Variants in IGSF22 observed in about 807,000 individuals in gnomAD.
IGSF22 encodes the protein immunoglobulin superfamily member 22, also known as immunoglobulin superfamily, member 22.
IGSF22 carries 119 observed loss-of-function variants against 127.0 expected under a neutral mutation model. The ratio of observed to expected loss-of-function variants is 0.94; its 90% CI spans 0.81 to 1.09. IGSF22 has a LOEUF of 1.09. Among genes scored for constraint, IGSF22 ranks in the 50% least tolerant of loss-of-function variants. The pLI is 0.00. For synonymous variants in IGSF22, 568 were observed against 664.7 expected (o/e 0.85, Z 2.24); for missense variants, 1,518 against 1,716.6 (o/e 0.88, Z 2.04).
chr11:18,723,578 A>T (rs568295041), intron 2 of IGSF22, among the ~76,000 whole-genome samples: 1 of 152,304 alleles, frequency 6.6e-6, no homozygotes, highest in South Asian at 2.1e-4. Context: ...CGTGACTAAA[A>T]CACTCTGTTC....
chr11:18,721,234 C>T (rs976315493), intron 4 of IGSF22, among the ~76,000 whole-genome samples: 6 of 152,246 alleles, frequency 3.9e-5, no homozygotes, highest in African/African-American at 1.4e-4. Flanking sequence ...TTTTGGCTCA[C>T]TCGCCTTGTG....
In IGSF22 at chr11:18,716,679, G is replaced by A; in HGVS notation, c.1246+49C>T. 1 of 1,575,990 alleles carries A rather than the reference G, an allele frequency of 6.3e-7. No homozygotes were observed. Among genetic ancestry groups the A allele is most frequent in the Non-Finnish European group, 8.7e-7 (1 of 1,149,184 alleles). On this transcript the variant is annotated intron_variant, in intron 10 of 22. Transcript: ENST00000513874. The surrounding 1 kb of genome is among the most constrained non-coding windows in gnomAD (Gnocchi z 4.5). ...ATAAATGATGACTACCTGCATGGAG[G>A]TTGCTGTGCCATAAAGCCCACCCCT...
chr11:18,710,757 CAT>C lies in IGSF22; in HGVS notation c.2468_2469del (p.Asn823SerfsTer50). 30 of 1,614,190 alleles carry C rather than the reference CAT, an allele frequency of 1.9e-5. No individual in the cohort carries two copies. Among genetic ancestry groups the C allele is most frequent in the Non-Finnish European group, 2.4e-5 (28 of 1,179,998 alleles). The stretch of plus-strand genomic sequence containing the variant: ...GGGGCTCCCCCATCCTGGGTAGGGG[CAT>C]TCCACGTGATGGTCACGGCTTCTTT... Reference protein sequence around the residue: ...VTKEAVTITWNAPTQDGGAPV... With the variant: ...VTKEAVTITWXAPTQDGGAPV... On this transcript the variant is annotated frameshift_variant, in exon 16 of 23. Transcript: ENST00000513874. LOFTEE classifies it high-confidence loss of function.
At position 18,716,895 on chromosome 11, in the gene IGSF22, C is replaced by T. The variant is rs1177560113; in HGVS notation, c.1079G>A (p.Trp360Ter). 12 of 1,614,234 alleles carry T rather than the reference C, an allele frequency of 7.4e-6. No individual in the cohort carries two copies. Among genetic ancestry groups the T allele is most frequent in the Non-Finnish European group, 1.0e-5 (12 of 1,180,038 alleles). The change falls in exon 10 of 23, where the codon TGG becomes TAG. Residue 360 changes from tryptophan (W) to a stop codon, truncating the protein, a stop_gained. Coordinates refer to ENST00000513874, the MANE Select transcript of IGSF22 (RefSeq NM_173588.4). LOFTEE classifies it high-confidence loss of function. The surrounding 1 kb of genome is among the most constrained non-coding windows in gnomAD (Gnocchi z 4.5). Reference protein sequence around the residue: ...RLSKKEPNFVWKFNGKELKRD... With the variant: ...RLSKKEPNFV ...CTTCAGCTCCTTCCCATTGAACTTCCACACAAAGTTGGGCTCTTTCTTGGA... is the reference window on the plus strand; with the variant it reads ...CTTCAGCTCCTTCCCATTGAACTTCTACACAAAGTTGGGCTCTTTCTTGGA...
Position 18,709,094 on chromosome 11 carries a change from A to G in IGSF22, c.2998+293T>C, listed in dbSNP as rs117853058. On this transcript the variant is annotated intron_variant, in intron 18 of 22. Coordinates refer to ENST00000513874, the MANE Select transcript of IGSF22 (RefSeq NM_173588.4). The surrounding 1 kb of genome is among the most constrained non-coding windows in gnomAD (Gnocchi z 4.8). ...GCATGGCTGGCCTTGTGTCCATTAAACTCTTTGTTGCAATGCTGTGGTCTC... is the reference window on the plus strand; with the variant it reads ...GCATGGCTGGCCTTGTGTCCATTAAGCTCTTTGTTGCAATGCTGTGGTCTC... Among the ~76,000 whole-genome samples the G allele has an allele frequency of 2.2e-4, 34 of 151,326 alleles. No individual in the cohort carries two copies. Among genetic ancestry groups the G allele is most frequent in the Non-Finnish European group, 4.6e-4 (31 of 67,784 alleles).
chr11:18,710,250 C>G (rs1848326287), intron 17 of IGSF22, 77 bp downstream of exon 17: 1 of 1,573,768 alleles, frequency 6.4e-7, no homozygotes, highest in Non-Finnish European at 8.7e-7. Context: ...GTCATACTTT[C>G]CCGGGGAAGA....
intron 1 of IGSF22, among the ~76,000 whole-genome samples, chr11:18,725,170 G>T (rs950090337): frequency 6.6e-6 from 1 of 151,950 alleles, no homozygotes; most frequent in African/African-American, 2.4e-5. Context: ...TATTTAACCA[G>T]CATTGCGGTT....
In IGSF22 at chr11:18,704,324, C is replaced by A; in HGVS notation, c.*144G>T. 1 of 648,118 alleles carries A rather than the reference C, an allele frequency of 1.5e-6. No homozygotes were observed. Among genetic ancestry groups the A allele is most frequent in the East Asian group, 2.8e-5 (1 of 36,204 alleles). The allele number at this position is 648,118 out of a possible 1,614,324, so 40.1% of individuals were successfully genotyped here. On this transcript the variant is annotated 3_prime_UTR_variant, in exon 23 of 23. Coordinates refer to ENST00000513874, the MANE Select transcript of IGSF22 (RefSeq NM_173588.4). ...CTCAGGAACGGGAAAGGATGAGTTACGTTTATTGCCCCATCCCTTCACTGA... is the reference window on the plus strand; with the variant it reads ...CTCAGGAACGGGAAAGGATGAGTTAAGTTTATTGCCCCATCCCTTCACTGA...
At position 18,709,688 on chromosome 11, in the gene IGSF22, G is replaced by T; in HGVS notation, c.2702-5C>A. Reference sequence around the variant, plus strand: ...CCTGGACCAGGCCTGGGGGTTCTGGGGTAGAACAGACATGTAGTCAGCCCC... The same window carrying T: ...CCTGGACCAGGCCTGGGGGTTCTGGTGTAGAACAGACATGTAGTCAGCCCC... On this transcript the variant is annotated splice_polypyrimidine_tract_variant and splice_region_variant and intron_variant, in intron 17 of 22. Transcript: ENST00000513874. The surrounding 1 kb of genome is among the most constrained non-coding windows in gnomAD (Gnocchi z 4.8). 6.2e-7 allele frequency: 1 copy of T among 1,612,098 alleles called. No homozygotes were observed. Among genetic ancestry groups the T allele is most frequent in the Non-Finnish European group, 8.5e-7 (1 of 1,178,738 alleles).
At chr11:18,712,521 T>A (rs1848376840) in intron 14 of IGSF22, 137 bp from the exon 15 acceptor site, 1 of 735,880 alleles carries the variant, frequency 1.4e-6, no homozygotes, top group East Asian at 2.7e-5. Context: ...CCTCCCTGTG[T>A]CCACCATCCC....
chr11:18,712,436 G>A (rs1173758338), intron 14 of IGSF22, 52 bp from the exon 15 acceptor site: 1 of 1,478,578 alleles, frequency 6.8e-7, no homozygotes, highest in East Asian at 2.5e-5. Flanking sequence ...AGGATCAGAA[G>A]GGCCTCCTCC....
chr11:18,709,182 C>T lies in IGSF22; in HGVS notation c.2998+205G>A, dbSNP rs1404606848. Among the ~76,000 whole-genome samples, 5 of 144,574 alleles carry T rather than the reference C, an allele frequency of 3.5e-5. No individual in the cohort carries two copies. The highest frequency in any genetic ancestry group is 1.3e-4 in the African/African-American group (5 of 38,712). 94.8% of individuals were successfully genotyped at this position (144,574 alleles called of 152,430 possible). A position where few individuals can be genotyped will look rare whatever the true frequency, so the allele number is the denominator to read the frequency against. On this transcript the variant is annotated intron_variant, in intron 18 of 22. Transcript: ENST00000513874. The surrounding 1 kb of genome is among the most constrained non-coding windows in gnomAD (Gnocchi z 4.8). Reference sequence around the variant, plus strand: ...CCCATTGGGTGGTTACACCTTGACACACAGTAGATGCTATTTGGCACACAA... The same window carrying T: ...CCCATTGGGTGGTTACACCTTGACATACAGTAGATGCTATTTGGCACACAA...
rs369153066 is a variant in IGSF22 at position 18,716,741 on chromosome 11, C to T, written c.1233G>A (p.Gln411=). ...AEAGNLVQKA[Q]LTVDRIPIKF... ...CCAACCACTCACGGTCAACAGTGAG[C>T]TGGGCCTTTTGTACCAGGTTCCCCG... Residue 411 remains glutamine, a synonymous_variant, in exon 10 of 23, where the codon CAG becomes CAA. Coordinates refer to ENST00000513874, the MANE Select transcript of IGSF22 (RefSeq NM_173588.4). The surrounding 1 kb of genome is among the most constrained non-coding windows in gnomAD (Gnocchi z 4.5). 9.9e-6 allele frequency: 16 copies of T among 1,613,998 alleles called. No individual in the cohort carries two copies. The highest frequency in any genetic ancestry group is 8.9e-5 in the East Asian group (4 of 44,898).
rs1408845297 is a variant in IGSF22 at position 18,708,216 on chromosome 11, T to A, written c.3078A>T (p.Ala1026=). Residue 1026 remains alanine, a synonymous_variant, in exon 19 of 23, where the codon GCA becomes GCT. Coordinates refer to ENST00000513874, the MANE Select transcript of IGSF22 (RefSeq NM_173588.4). ...VRAGTALCIH[A]AFSGSPPPDV... Reference sequence around the variant, plus strand: ...GTCAGGGACAACTCACAGAGAAGGCTGCATGGATGCAGAGGGCTGTCCCAG... The same window carrying A: ...GTCAGGGACAACTCACAGAGAAGGCAGCATGGATGCAGAGGGCTGTCCCAG... 1 of 1,544,332 alleles carries A rather than the reference T, an allele frequency of 6.5e-7. No homozygotes were observed. Among genetic ancestry groups the A allele is most frequent in the Admixed American group, 2.0e-5 (1 of 50,068 alleles).
chr11:18,717,115 A>T (rs1848477914), intron 9 of IGSF22, 115 bp from the exon 10 acceptor site: 1 of 1,171,600 alleles, frequency 8.5e-7, no homozygotes. Flanking sequence ...GGGGGAAAGC[A>T]CCCTGCCTTT....
At chr11:18,721,431 C>T (rs1324032466) in intron 4 of IGSF22, 104 bp downstream of exon 4, 32 of 1,498,634 alleles carry the variant, frequency 2.1e-5, no homozygotes, top group African/African-American at 2.8e-5. Context: ...GCCCGGCTCT[C>T]GGGCCGCCGT....
rs1175660240 is a variant in IGSF22, at chr11:18,720,063, C to A, written c.518+1G>T. ...TGGGCAGAAGGACCTGCCAGCCTCA[C>A]CTCTTCTTCAGCATCTTTTTGAAGT... is the stretch of plus-strand genomic sequence containing the variant. On this transcript the variant is annotated splice_donor_variant, in intron 6 of 22. Transcript: ENST00000513874. LOFTEE classifies it high-confidence loss of function. The A allele has an allele frequency of 6.2e-7, 1 of 1,614,058 alleles. No individual in the cohort carries two copies.
Position 18,713,940 on chromosome 11 carries a change from G to A in IGSF22, c.2007C>T (p.Asn669=), listed in dbSNP as rs1848405476. 6.2e-7 allele frequency: 1 copy of A among 1,614,136 alleles called. No homozygotes were observed. Among genetic ancestry groups the A allele is most frequent in the South Asian group, 1.1e-5 (1 of 91,094 alleles). ...GEDQALLTIS[N]CVREDSGLIL... ...TGAGGCCGCTGTCTTCACGCACACAGTTGGAGATGGTGAGCAGTGCCTGGT... is the reference window on the plus strand; with the variant it reads ...TGAGGCCGCTGTCTTCACGCACACAATTGGAGATGGTGAGCAGTGCCTGGT... The change falls in exon 14 of 23, where the codon AAC becomes AAT. Residue 669 remains asparagine, a synonymous_variant. Transcript: ENST00000513874.
At position 18,714,362 on chromosome 11, in the gene IGSF22, G is replaced by C. The variant is rs373063001; in HGVS notation, c.1713C>G (p.Ile571Met). Residue 571 changes from isoleucine to methionine, a missense_variant, in exon 13 of 23, where the codon ATC (isoleucine) becomes ATG (methionine). Physicochemically the swap from Ile to Met is conservative, Grantham distance 10 (BLOSUM62 1). This residue lies in a region of IGSF22 where 1,456 missense variants were observed against 1,644.9 expected (regional missense o/e 0.89). Coordinates refer to ENST00000513874, the MANE Select transcript of IGSF22 (RefSeq NM_173588.4). ...CGTGCTCAGGGCCCATACTGGGAAA[G>C]ATGAGCTTGTGCACTGCACCCTGCT... Reference protein sequence around the residue: ...IVKQGAVHKLIFPSMGPEHEG... With the variant: ...IVKQGAVHKLMFPSMGPEHEG... 2 of 1,614,268 alleles carry C rather than the reference G, an allele frequency of 1.2e-6. No homozygotes were observed. Among genetic ancestry groups the C allele is most frequent in the Non-Finnish European group, 1.7e-6 (2 of 1,180,050 alleles).
Sources: allele counts gnomAD v4.1 joint callset (sites outside exome capture counted in the v4.1 genomes callset), GRCh38; gene constraint gnomAD v4.1.1; regional missense constraint gnomAD v4.1.1; non-coding constraint Gnocchi (gnomAD v3.1); transcripts MANE v1.5; gene names NCBI Gene and HGNC (gene_info 2026-07-23, HGNC 2026-07-21).